Variants in ANKRD27 observed in about 807,000 individuals in gnomAD.
ANKRD27 encodes ankyrin repeat domain 27, also known as ankyrin repeat domain-containing protein 27.
A neutral mutation model predicts 129.7 loss-of-function variants in ANKRD27; 112 were observed. The observed-to-expected ratio is 0.86, with a 90% CI of 0.74 to 1.01. ANKRD27 has a LOEUF of 1.01. Among genes scored for constraint, ANKRD27 ranks in the 50% least tolerant of loss-of-function variants. The probability of loss-of-function intolerance (pLI) is 0.00; values close to 1 mark genes in which losing one functional copy is unlikely to be tolerated. For missense variants in ANKRD27, 1,258 were observed against 1,300.5 expected (o/e 0.97, Z 0.50); for synonymous variants, 516 against 511.2 (o/e 1.01, Z -0.13).
At chr19:32,614,113 AG>A (rs1971876414) in intron 22 of ANKRD27, among the ~76,000 whole-genome samples, 1 of 151,850 alleles carries the variant, frequency 6.6e-6, no homozygotes, top group Non-Finnish European at 1.5e-5. Flanking sequence ...TGGCTGTAAG[AG>A]GGCAGTTTGA....
intron 13 of ANKRD27, among the ~76,000 whole-genome samples, chr19:32,629,844 CTTTTTTTTT>C (rs548494616): frequency 1.9e-5 from 2 of 105,610 alleles, no homozygotes; most frequent in Admixed American, 1.1e-4. Context: ...CTCTTGTGTT[CTTTTTTTTT>C]TTTTTTTTTT....
intron 17 of ANKRD27, among the ~76,000 whole-genome samples, chr19:32,623,093 G>A (rs1247439607): frequency 6.6e-6 from 1 of 152,018 alleles, no homozygotes; most frequent in Non-Finnish European, 1.5e-5. Context: ...CGCTCAGCCA[G>A]GACACCTCAT....
chr19:32,630,805 A>G (rs942028879), intron 13 of ANKRD27, among the ~76,000 whole-genome samples: 2 of 151,882 alleles, frequency 1.3e-5, no homozygotes, highest in Admixed American at 1.3e-4. Context: ...TAATTTTTGT[A>G]TTGTTTTGTA....
At chr19:32,640,672 C>T (rs1021164515) in intron 10 of ANKRD27, among the ~76,000 whole-genome samples, 2 of 152,126 alleles carry the variant, frequency 1.3e-5, no homozygotes, top group African/African-American at 2.4e-5. Context: ...GAGGCCGAGA[C>T]GGGAGAATTG....
At chr19:32,633,355 C>G in intron 12 of ANKRD27, among the ~76,000 whole-genome samples, 1 of 118,548 alleles carries the variant, frequency 8.4e-6, no homozygotes. Flanking sequence ...TTTTTTGAGA[C>G]GGGGTCTTGC....
intron 3 of ANKRD27, 92 bp from the exon 4 acceptor site, chr19:32,646,707 T>G: frequency 7.2e-7 from 1 of 1,386,890 alleles, no homozygotes; most frequent in Non-Finnish European, 9.8e-7. Flanking sequence ...AACCAGACCC[T>G]ACGGCCTTCA....
intron 1 of ANKRD27, among the ~76,000 whole-genome samples, chr19:32,669,927 T>C (rs567026341): frequency 7.0e-6 from 1 of 142,998 alleles, no homozygotes; most frequent in East Asian, 2.1e-4. Context: ...ACCTAAGAAG[T>C]GGAGGTTGCA....
chr19:32,599,370 C>T (rs1971616785), intron 28 of ANKRD27, among the ~76,000 whole-genome samples: 1 of 152,172 alleles, frequency 6.6e-6, no homozygotes. Flanking sequence ...CATCATTTAC[C>T]CATCTATATA....
intron 13 of ANKRD27, among the ~76,000 whole-genome samples, chr19:32,630,100 T>C (rs1218147771): frequency 6.6e-6 from 1 of 152,056 alleles, no homozygotes; most frequent in Non-Finnish European, 1.5e-5. Context: ...ATTATTATTT[T>C]TATACTTGCT....
At chr19:32,667,168 G>C (rs2145327345) in intron 1 of ANKRD27, among the ~76,000 whole-genome samples, 2 of 152,348 alleles carry the variant, frequency 1.3e-5, no homozygotes, top group South Asian at 4.1e-4. Context: ...CGACTTCCCA[G>C]GGGGCGCAGC....
intron 2 of ANKRD27, among the ~76,000 whole-genome samples, chr19:32,658,317 C>T (rs1004737559): frequency 2.6e-5 from 4 of 152,188 alleles, no homozygotes; most frequent in Admixed American, 6.5e-5. Context: ...ATGTGGGGCC[C>T]GCCCCCGTCC....
In ANKRD27 at chr19:32,598,315, C is replaced by G. The variant is rs766294847; in HGVS notation, c.2983G>C (p.Ala995Pro). Residue 995 changes from alanine (A) to proline (P), a missense_variant, in exon 29 of 29, where the codon GCT (alanine) becomes CCT (proline). Coordinates refer to ENST00000306065, the MANE Select transcript of ANKRD27 (RefSeq NM_032139.3). ...NLPAQSGSHA[A>P]EKGNSDWPER... ...GGCCAGTCGCTGTTGCCTTTCTCAGCAGCATGAGATCCACTCTGAGCTGGC... is the reference window on the plus strand; with the variant it reads ...GGCCAGTCGCTGTTGCCTTTCTCAGGAGCATGAGATCCACTCTGAGCTGGC... 4 of 1,614,072 alleles carry G rather than the reference C, an allele frequency of 2.5e-6. No homozygotes were observed. In the African/African-American group the frequency reaches 5.3e-5, roughly 22 times the overall value.
At position 32,675,114 on chromosome 19, in the gene ANKRD27, G is replaced by C. The variant is rs1035188843; in HGVS notation, c.-74C>G. 1 of 152,500 alleles carries C rather than the reference G, an allele frequency of 6.6e-6. No individual in the cohort carries two copies. Among genetic ancestry groups the C allele is most frequent in the Non-Finnish European group, 1.5e-5 (1 of 68,178 alleles). 9.4% of individuals were successfully genotyped at this position (152,500 alleles called of 1,614,324 possible). A position where few individuals can be genotyped will look rare whatever the true frequency, so the allele number is the denominator to read the frequency against. On this transcript the variant is annotated 5_prime_UTR_variant, in exon 1 of 29. Coordinates refer to ENST00000306065, the MANE Select transcript of ANKRD27 (RefSeq NM_032139.3). ...TCATTCCCAGCCCATCCTGGGCGACGGCGGCACCTCCCTCGTCCGCTGCTG... is the reference window on the plus strand; with the variant it reads ...TCATTCCCAGCCCATCCTGGGCGACCGCGGCACCTCCCTCGTCCGCTGCTG...
intron 9 of ANKRD27, among the ~76,000 whole-genome samples, chr19:32,642,821 T>A (rs1967226476): frequency 6.6e-6 from 1 of 152,100 alleles, no homozygotes; most frequent in East Asian, 1.9e-4. Flanking sequence ...AGGTGGGATG[T>A]CCCCTGCACG....
intron 24 of ANKRD27, among the ~76,000 whole-genome samples, chr19:32,605,586 G>C (rs1971719867): frequency 6.6e-6 from 1 of 152,188 alleles, no homozygotes; most frequent in African/African-American, 2.4e-5. Context: ...CGGTCGGTGA[G>C]GTGAGACCCA....
chr19:32,626,587 G>A, intron 16 of ANKRD27, 125 bp downstream of exon 16: 1 of 679,838 alleles, frequency 1.5e-6, no homozygotes, highest in South Asian at 2.0e-5. Context: ...AGCTGGTGTG[G>A]AACGAGGGGG....
intron 11 of ANKRD27, among the ~76,000 whole-genome samples, 179 bp downstream of exon 11, chr19:32,640,128 A>G (rs1423226843): frequency 1.3e-5 from 2 of 151,966 alleles, no homozygotes; most frequent in Non-Finnish European, 2.9e-5. Flanking sequence ...TGCCCAGCTA[A>G]TTTTTTTGTA....
chr19:32,657,946 G>A (rs259249), intron 2 of ANKRD27, among the ~76,000 whole-genome samples: 74,467 of 151,842 alleles, frequency 0.49, 21,073 homozygotes, highest in Non-Finnish European at 0.65. Flanking sequence ...CCACACTCCA[G>A]CCTGGGTGAC....
At chr19:32,604,885 C>A (rs1032952316) in intron 24 of ANKRD27, among the ~76,000 whole-genome samples, 3 of 149,920 alleles carry the variant, frequency 2.0e-5, no homozygotes, top group Admixed American at 1.3e-4. Flanking sequence ...TAGTGAAATC[C>A]CATCTCTACT....
Sources: allele counts gnomAD v4.1 joint callset (sites outside exome capture counted in the v4.1 genomes callset), GRCh38; gene constraint gnomAD v4.1.1; transcripts MANE v1.5; gene names NCBI Gene and HGNC (gene_info 2026-07-23, HGNC 2026-07-21).